The following WDFY4 variants were observed in gnomAD, a reference collection of about 807,000 sequenced individuals.
WDFY4 encodes WDFY family member 4.
Under a neutral mutation model 351.9 loss-of-function variants are expected in WDFY4, and 169 were observed. That is an observed-to-expected ratio of 0.48 (90% confidence interval 0.42 to 0.55). The LOEUF is 0.55. Among genes scored for constraint, WDFY4 ranks in the 20% least tolerant of loss-of-function variants. WDFY4 has a pLI of 0.00. For synonymous variants in WDFY4, 1,622 were observed against 1,574.6 expected, an observed-to-expected ratio of 1.03 and a Z score of -0.71; for missense variants, 3,803 against 3,935.6, an observed-to-expected ratio of 0.97 and a Z score of 0.90.
chr10:48,941,313 G>A, intron 47 of WDFY4, among the ~76,000 whole-genome samples: 1 of 152,222 alleles, frequency 6.6e-6, no homozygotes, highest in South Asian at 2.1e-4. Flanking sequence ...TAGGCATATA[G>A]GCAGGCATAT....
intron 11 of WDFY4, among the ~76,000 whole-genome samples, chr10:48,738,164 C>T (rs905387916): frequency 6.6e-6 from 1 of 152,170 alleles, no homozygotes; most frequent in Non-Finnish European, 1.5e-5. Flanking sequence ...AACAGATCCA[C>T]AGAGAGGAAA....
chr10:48,719,491 G>A (rs886098355), intron 2 of WDFY4, among the ~76,000 whole-genome samples: 3 of 152,186 alleles, frequency 2.0e-5, no homozygotes, highest in Admixed American at 6.5e-5. Context: ...TTAGTAATAT[G>A]TACTAAAGTG....
intron 24 of WDFY4, 141 bp downstream of exon 24, chr10:48,796,591 C>A: frequency 8.3e-7 from 1 of 1,203,166 alleles, no homozygotes; most frequent in Non-Finnish European, 1.1e-6. Flanking sequence ...ACGAGCCTGC[C>A]CAGAGGCCCT....
At chr10:48,945,711 T>A (rs754253399) in intron 49 of WDFY4, among the ~76,000 whole-genome samples, 2 of 152,226 alleles carry the variant, frequency 1.3e-5, no homozygotes, top group Admixed American at 6.5e-5. Flanking sequence ...CATAATGCAG[T>A]TTAGGAGCCA....
chr10:48,915,417 A>ATTT (rs11413657), intron 47 of WDFY4, among the ~76,000 whole-genome samples: 22 of 147,740 alleles, frequency 1.5e-4, no homozygotes, highest in African/African-American at 4.7e-4. Flanking sequence ...CTGCTTGCTG[A>ATTT]TTTTTTTTTT....
At chr10:48,823,454 C>T in intron 35 of WDFY4, 1 of 1,190,474 alleles carries the variant, frequency 8.4e-7, no homozygotes, top group Non-Finnish European at 1.1e-6. Flanking sequence ...GCTCCCAGCA[C>T]CCTTCTGACT....
In WDFY4 at chr10:48,752,836, ACATT is replaced by A. The variant is rs139964024; in HGVS notation, c.2460-7507_2460-7504del. On this transcript the variant is annotated intron_variant, in intron 12 of 61. Coordinates refer to ENST00000325239, the MANE Select transcript of WDFY4 (RefSeq NM_001394531.1). ...GTTCTTGTAAATAGTGCTGCTATGA[ACATT>A]CATGTTCATGTATTTATTTGAGTAC... 4.1e-3 allele frequency among the ~76,000 whole-genome samples: 625 copies of A among 152,348 alleles called. 5 individuals are homozygous for A. The highest frequency in any genetic ancestry group is 0.014 in the African/African-American group (598 of 41,570).
intron 47 of WDFY4, chr10:48,913,964 C>T: frequency 6.2e-7 from 1 of 1,614,186 alleles, no homozygotes; most frequent in Non-Finnish European, 8.5e-7. Context: ...AGTCAGGGAT[C>T]TTCCTGATAA....
At chr10:48,847,277 C>A (rs2068807157) in intron 39 of WDFY4, among the ~76,000 whole-genome samples, 2 of 152,166 alleles carry the variant, frequency 1.3e-5, no homozygotes, top group South Asian at 4.2e-4. Flanking sequence ...GGATTAGGGC[C>A]CATCCTAATG....
chr10:48,838,607 G>A (rs571457508), intron 39 of WDFY4, among the ~76,000 whole-genome samples: 12 of 152,192 alleles, frequency 7.9e-5, no homozygotes, highest in Admixed American at 2.0e-4. Flanking sequence ...ATACACATAA[G>A]TAGTAAAATA....
intron 52 of WDFY4, among the ~76,000 whole-genome samples, chr10:48,957,994 T>C (rs577884048): frequency 2.0e-5 from 3 of 152,338 alleles, no homozygotes; most frequent in South Asian, 2.1e-4. Flanking sequence ...GGGAATCATC[T>C]TCTGCAGAGA....
At chr10:48,858,059 G>T (rs1386318291) in intron 39 of WDFY4, among the ~76,000 whole-genome samples, 1 of 152,132 alleles carries the variant, frequency 6.6e-6, no homozygotes, top group Non-Finnish European at 1.5e-5. Context: ...CTCCCAAAGT[G>T]CTGAGATTAC....
intron 12 of WDFY4, chr10:48,745,584 C>T: frequency 2.0e-6 from 1 of 498,948 alleles, no homozygotes; most frequent in East Asian, 5.1e-5. Context: ...CAGTTTTCTT[C>T]TCCACGTTCT....
chr10:48,710,853 G>A (rs1213557652), intron 2 of WDFY4, among the ~76,000 whole-genome samples: 1 of 152,232 alleles, frequency 6.6e-6, no homozygotes, highest in Non-Finnish European at 1.5e-5. Flanking sequence ...CAGCTTGGCT[G>A]CAAGGGATTT....
intron 47 of WDFY4, among the ~76,000 whole-genome samples, chr10:48,927,125 AC>A (rs1425355261): frequency 2.3e-4 from 35 of 152,016 alleles, no homozygotes; most frequent in Admixed American, 2.0e-3. Context: ...TTTGATTTTT[AC>A]CGTGTGAGCT....
intron 50 of WDFY4, among the ~76,000 whole-genome samples, chr10:48,946,446 C>A (rs1276554124): frequency 6.6e-6 from 1 of 152,248 alleles, no homozygotes; most frequent in Non-Finnish European, 1.5e-5. Context: ...GACTCCATGC[C>A]TAGGGGCAGG....
intron 50 of WDFY4, 83 bp downstream of exon 50, chr10:48,946,240 C>A: frequency 9.3e-7 from 1 of 1,073,588 alleles, no homozygotes; most frequent in Non-Finnish European, 1.4e-6. Flanking sequence ...TTAAGGTGGT[C>A]ACCTAGCCTA....
At chr10:48,867,444 A>G (rs1438843890) in intron 40 of WDFY4, 102 bp downstream of exon 40, 5 of 666,976 alleles carry the variant, frequency 7.5e-6, no homozygotes, top group Non-Finnish European at 1.1e-5. Context: ...TGGATTGCTC[A>G]CCAGGCTTGC....
chr10:48,944,466 G>A (rs1014989452), intron 49 of WDFY4, among the ~76,000 whole-genome samples: 8 of 152,200 alleles, frequency 5.3e-5, no homozygotes, highest in South Asian at 4.1e-4. Context: ...CTGGCCACCC[G>A]GGCTCTGGCC....
Sources: allele counts gnomAD v4.1 joint callset (sites outside exome capture counted in the v4.1 genomes callset), GRCh38; gene constraint gnomAD v4.1.1; transcripts MANE v1.5; gene names NCBI Gene and HGNC (gene_info 2026-07-23, HGNC 2026-07-21).